PCDHA9: variants seen among roughly 807,000 people sequenced by gnomAD.
PCDHA9 encodes protocadherin alpha 9, also known as protocadherin alpha-9.
PCDHA9 carries 62 observed loss-of-function variants against 62.0 expected under a neutral mutation model. That is an observed-to-expected ratio of 1.00 (90% confidence interval 0.81 to 1.23). The LOEUF (loss-of-function observed/expected upper bound fraction) is 1.23, where lower values mean the gene tolerates loss of function less well. Ranked by LOEUF, PCDHA9 falls within the 50% of genes most tolerant of loss-of-function variation. PCDHA9 has a pLI of 0.00. For synonymous variants in PCDHA9, 557 were observed against 567.6 expected, an observed-to-expected ratio of 0.98 and a Z score of 0.27; for missense variants, 1,205 against 1,249.8, an observed-to-expected ratio of 0.96 and a Z score of 0.54.
At chr5:140,954,287 TG>T (rs1353316805) in intron 1 of PCDHA9, among the ~76,000 whole-genome samples, 1 of 152,248 alleles carries the variant, frequency 6.6e-6, no homozygotes, top group Non-Finnish European at 1.5e-5. Flanking sequence ...TATATTCCTT[TG>T]GGTACATACC....
chr5:140,882,288 G>C (rs1554173426), intron 1 of PCDHA9: 2 of 1,613,210 alleles, frequency 1.2e-6, no homozygotes, highest in East Asian at 2.2e-5. Flanking sequence ...TCCTGGCAAG[G>C]AGGCCCAAGA....
intron 1 of PCDHA9, among the ~76,000 whole-genome samples, chr5:140,970,591 T>G (rs1159349152): frequency 2.6e-5 from 4 of 152,150 alleles, no homozygotes; most frequent in African/African-American, 9.7e-5. Flanking sequence ...GAGATATGCT[T>G]TGTGATACTT....
At chr5:140,870,417 C>T (rs2051990915) in intron 1 of PCDHA9, 1 of 1,614,092 alleles carries the variant, frequency 6.2e-7, no homozygotes, top group Admixed American at 1.7e-5. Flanking sequence ...GGGCCACGGC[C>T]AGGGTATCCG....
intron 1 of PCDHA9, chr5:140,877,121 C>T (rs782727100): frequency 6.2e-7 from 1 of 1,613,694 alleles, no homozygotes; most frequent in Non-Finnish European, 8.5e-7. Context: ...AGCAACGTGA[C>T]GCTGCAGGTG....
At chr5:141,007,395 C>CAAAAAAAAAAAAA (rs35800918) in intron 3 of PCDHA9, among the ~76,000 whole-genome samples, 1 of 94,866 alleles carries the variant, frequency 1.1e-5, no homozygotes. Flanking sequence ...TACTAAAATA[C>CAAAAAAAAAAAAA]AAAAAAAAAA....
At chr5:140,902,669 T>C (rs767769713) in intron 1 of PCDHA9, among the ~76,000 whole-genome samples, 1 of 152,166 alleles carries the variant, frequency 6.6e-6, no homozygotes, top group Non-Finnish European at 1.5e-5. Flanking sequence ...ACCCAAGCAG[T>C]GTACACCGTA....
chr5:140,984,682 A>G (rs2097114582), intron 3 of PCDHA9, among the ~76,000 whole-genome samples: 2 of 152,136 alleles, frequency 1.3e-5, no homozygotes, highest in Non-Finnish European at 2.9e-5. Context: ...AGGACTCAAT[A>G]TATGTTCTGC....
intron 1 of PCDHA9, among the ~76,000 whole-genome samples, chr5:140,932,458 G>T (rs1316450984): frequency 6.6e-6 from 1 of 151,710 alleles, no homozygotes; most frequent in African/African-American, 2.4e-5. Flanking sequence ...TTTTGCCAGG[G>T]TATATAGGAA....
At chr5:140,908,844 C>T (rs533219921) in intron 1 of PCDHA9, among the ~76,000 whole-genome samples, 2 of 152,272 alleles carry the variant, frequency 1.3e-5, no homozygotes, top group African/African-American at 4.8e-5. Context: ...GCTGGAGTAA[C>T]ATACCCAAAT....
chr5:140,884,534 C>T (rs781847666), intron 1 of PCDHA9: 3 of 1,614,180 alleles, frequency 1.9e-6, no homozygotes, highest in Admixed American at 3.3e-5. Context: ...GCAGAGGCGG[C>T]CGAGGGTGTG....
At chr5:140,903,824 T>A (rs1439298617) in intron 1 of PCDHA9, among the ~76,000 whole-genome samples, 3 of 152,202 alleles carry the variant, frequency 2.0e-5, no homozygotes, top group Admixed American at 2.0e-4. Context: ...CACATGAATG[T>A]CTGTTGGTAT....
chr5:140,897,629 T>A (rs2066228656), intron 1 of PCDHA9, among the ~76,000 whole-genome samples: 1 of 152,116 alleles, frequency 6.6e-6, no homozygotes, highest in Non-Finnish European at 1.5e-5. Context: ...TACTATTGTG[T>A]ATAGTGCCAC....
At chr5:140,862,330 T>A in intron 1 of PCDHA9, 1 of 326,684 alleles carries the variant, frequency 3.1e-6, no homozygotes, top group Non-Finnish European at 6.0e-6. Flanking sequence ...TCAGTGTAAT[T>A]GACCCTAACT....
intron 1 of PCDHA9, among the ~76,000 whole-genome samples, chr5:140,959,469 A>G (rs1180811354): frequency 5.3e-5 from 8 of 152,226 alleles, no homozygotes; most frequent in East Asian, 1.9e-4. Context: ...GTTGGCATCA[A>G]TCAAGGCATA....
rs1554162489 is a variant in PCDHA9 at position 140,869,104 on chromosome 5, A to G, written c.2394+18215A>G. 2.5e-6 allele frequency: 4 copies of G among 1,601,646 alleles called. No individual in the cohort carries two copies. In the Admixed American group the frequency reaches 5.1e-5, roughly 21 times the overall value. On this transcript the variant is annotated intron_variant, in intron 1 of 3. Coordinates refer to ENST00000532602, the MANE Select transcript of PCDHA9 (RefSeq NM_031857.2). ...ATTTTGGAAGCCAATTTCGTATGCG[A>G]TGTTTGGTTTTCAGAGAAGGGGATT... is the stretch of plus-strand genomic sequence containing the variant.
rs2150412959 is a variant in PCDHA9, at chr5:140,848,567, G to C, written c.72G>C (p.Trp24Cys). 6.3e-7 allele frequency: 1 copy of C among 1,595,646 alleles called. No individual in the cohort carries two copies. The highest frequency in any genetic ancestry group is 8.6e-7 in the Non-Finnish European group (1 of 1,165,554). The change falls in exon 1 of 4, where the codon TGG (tryptophan) becomes TGC (cysteine). Residue 24 changes from tryptophan to cysteine, a missense_variant. Physicochemically the swap from Trp to Cys is radical, Grantham distance 215. This residue lies in a region of PCDHA9 where 208 missense variants were observed against 213.2 expected (regional missense o/e 0.98). Transcript: ENST00000532602. ...TCTCGCTTCTGATCCTCGCAATGTG[G>C]GTGGTGGGGAGCGGCCAGCTCCACT... ...LLLSLLILAM[W>C]VVGSGQLHYS...
At chr5:140,925,349 A>G (rs4912732) in intron 1 of PCDHA9, among the ~76,000 whole-genome samples, 5,885 of 152,152 alleles carry the variant, frequency 0.039, 171 homozygotes, top group Non-Finnish European at 0.058. Flanking sequence ...TTGAGTGAGG[A>G]ATTTAGTGCT....
chr5:140,917,338 G>GGGGGGGGGGGGGGGGGA (rs2078134893), intron 1 of PCDHA9, among the ~76,000 whole-genome samples: 1 of 137,894 alleles, frequency 7.3e-6, no homozygotes, highest in Non-Finnish European at 1.6e-5. Flanking sequence ...GGAGGGGGGG[G>GGGGGGGGGGGGGGGGGA]ATGGTGTAGG....
chr5:140,945,992 G>T (rs1271634546), intron 1 of PCDHA9, among the ~76,000 whole-genome samples: 1 of 151,978 alleles, frequency 6.6e-6, no homozygotes, highest in Non-Finnish European at 1.5e-5. Flanking sequence ...CTAATGGATT[G>T]CATCAAACTA....
Sources: gnomAD v4.1 joint callset for allele counts (sites outside exome capture counted in the v4.1 genomes callset) on GRCh38, gnomAD v4.1.1 for gene constraint, gnomAD v4.1.1 regional missense constraint, MANE v1.5 for transcripts, NCBI Gene and HGNC (gene_info 2026-07-23, HGNC 2026-07-21) for gene names.